Variants in SLC4A4 observed in about 807,000 individuals in gnomAD.
SLC4A4 encodes the protein solute carrier family 4 member 4, also known as electrogenic sodium bicarbonate cotransporter 1.
A neutral mutation model predicts 111.5 loss-of-function variants in SLC4A4; 27 were observed. That is an observed-to-expected ratio of 0.24 (90% CI 0.18 to 0.33). SLC4A4 has a LOEUF of 0.33. Among genes scored for constraint, SLC4A4 ranks in the 10% least tolerant of loss-of-function variants. The pLI is 1.00. For missense variants in SLC4A4, 909 were observed against 1,315.5 expected (o/e 0.69, Z 4.78); for synonymous variants, 443 against 463.4 (o/e 0.96, Z 0.57).
intron 16 of SLC4A4, among the ~76,000 whole-genome samples, chr4:71,515,055 T>G (rs1166268851): frequency 6.6e-6 from 1 of 152,036 alleles, no homozygotes; most frequent in Non-Finnish European, 1.5e-5. Flanking sequence ...TGGTTTTCTG[T>G]TTCCTTGATG....
intron 3 of SLC4A4, among the ~76,000 whole-genome samples, chr4:71,294,811 T>C (rs1026808904): frequency 3.3e-5 from 5 of 152,348 alleles, no homozygotes; most frequent in African/African-American, 1.2e-4. Flanking sequence ...GCTAGTGATA[T>C]GTAAAGAATG....
intron 3 of SLC4A4, among the ~76,000 whole-genome samples, chr4:71,331,402 T>TA (rs1727977642): frequency 6.6e-6 from 1 of 152,120 alleles, no homozygotes; most frequent in Non-Finnish European, 1.5e-5. Context: ...TATGCAGCCA[T>TA]AAAAAATGAT....
intron 2 of SLC4A4, among the ~76,000 whole-genome samples, chr4:71,130,879 AGAGCTCTCTGTGAGAG>A (rs1313981912): frequency 2.0e-5 from 3 of 152,158 alleles, no homozygotes; most frequent in Non-Finnish European, 4.4e-5. Flanking sequence ...TGTAGTTGAG[AGAGCTCTCTGTGAGAG>A]GAGGTTGTGT....
chr4:71,439,277 A>C (rs932251881), intron 7 of SLC4A4, among the ~76,000 whole-genome samples: 4 of 151,198 alleles, frequency 2.6e-5, no homozygotes, highest in African/African-American at 9.7e-5. Flanking sequence ...AAGACGAAAA[A>C]ATTACCCAGG....
intron 1 of SLC4A4, among the ~76,000 whole-genome samples, chr4:71,087,811 T>A (rs993323687): frequency 6.6e-6 from 1 of 151,916 alleles, no homozygotes. Context: ...TGCTGAGGAG[T>A]GCTTTACTTC....
intron 1 of SLC4A4, among the ~76,000 whole-genome samples, chr4:71,208,212 C>G (rs1055575646): frequency 6.6e-6 from 1 of 152,058 alleles, no homozygotes; most frequent in African/African-American, 2.4e-5. Flanking sequence ...AGGCGGATCA[C>G]GAGGTCAGGA....
In SLC4A4 at chr4:71,497,629, G is replaced by A. The variant is rs1336063519; in HGVS notation, c.2103G>A (p.Leu701=). ...DITLMSFILF[L]GTYTSSMALK... ...CACTCATGTCTTTTATCCTCTTCTTGGGAACCTACACCTCTTCCATGGCTC... is the reference window on the plus strand; with the variant it reads ...CACTCATGTCTTTTATCCTCTTCTTAGGAACCTACACCTCTTCCATGGCTC... The change falls in exon 16 of 26, where the codon TTG becomes TTA. Residue 701 remains leucine (L), a synonymous_variant. Coordinates refer to ENST00000264485, the MANE Select transcript of SLC4A4 (RefSeq NM_001098484.3). 1 of 1,613,570 alleles carries A rather than the reference G, an allele frequency of 6.2e-7. No homozygotes were observed. Among genetic ancestry groups the A allele is most frequent in the Non-Finnish European group, 8.5e-7 (1 of 1,179,730 alleles).
intron 2 of SLC4A4, among the ~76,000 whole-genome samples, chr4:71,103,983 G>C (rs1560721296): frequency 9.6e-6 from 1 of 104,248 alleles, no homozygotes; most frequent in African/African-American, 3.8e-5. Flanking sequence ...GAATCCAGGA[G>C]CTGGTTTTTT....
chr4:71,240,091 G>A (rs1025644432), intron 2 of SLC4A4, among the ~76,000 whole-genome samples: 1 of 151,986 alleles, frequency 6.6e-6, no homozygotes, highest in South Asian at 2.1e-4. Flanking sequence ...TAGCAATTAC[G>A]TAGTGATTGC....
intron 2 of SLC4A4, among the ~76,000 whole-genome samples, chr4:71,108,868 T>C (rs1253957207): frequency 6.6e-6 from 1 of 152,150 alleles, no homozygotes; most frequent in Non-Finnish European, 1.5e-5. Flanking sequence ...GGTATTTCAA[T>C]CTGTTCAGAT....
intron 6 of SLC4A4, among the ~76,000 whole-genome samples, chr4:71,377,867 C>T (rs1732552627): frequency 1.3e-5 from 2 of 151,964 alleles, no homozygotes; most frequent in Admixed American, 6.6e-5. Context: ...AAAGACATAC[C>T]CAAAACTGGG....
intron 16 of SLC4A4, among the ~76,000 whole-genome samples, chr4:71,502,792 A>G (rs1041875894): frequency 1.3e-5 from 2 of 152,196 alleles, no homozygotes; most frequent in Admixed American, 6.5e-5. Flanking sequence ...GTTGAGAAGA[A>G]TGTGTATTCT....
intron 6 of SLC4A4, among the ~76,000 whole-genome samples, chr4:71,366,808 A>G (rs972229843): frequency 2.0e-5 from 3 of 152,212 alleles, no homozygotes; most frequent in Non-Finnish European, 2.9e-5. Flanking sequence ...AGTGAAAAAA[A>G]GCAACATGAA....
intron 16 of SLC4A4, among the ~76,000 whole-genome samples, chr4:71,508,760 G>C (rs1483984316): frequency 6.6e-6 from 1 of 152,142 alleles, no homozygotes; most frequent in Non-Finnish European, 1.5e-5. Context: ...GACTGTATGA[G>C]TCCAGCTTCA....
At chr4:71,245,846 C>T (rs375479135) in intron 2 of SLC4A4, among the ~76,000 whole-genome samples, 12 of 152,050 alleles carry the variant, frequency 7.9e-5, no homozygotes, top group South Asian at 6.2e-4. Context: ...TGGAGATTAA[C>T]AAAGTGCAGT....
chr4:71,087,357 T>C (rs1269297231), intron 1 of SLC4A4, among the ~76,000 whole-genome samples: 1 of 152,000 alleles, frequency 6.6e-6, no homozygotes, highest in Non-Finnish European at 1.5e-5. Flanking sequence ...AAAAACCAGC[T>C]CCTGGATTCA....
intron 2 of SLC4A4, among the ~76,000 whole-genome samples, chr4:71,174,359 C>T (rs1397132693): frequency 1.3e-5 from 2 of 151,614 alleles, no homozygotes; most frequent in African/African-American, 2.4e-5. Flanking sequence ...AAGCAATTCT[C>T]GTGCCTCAGC....
intron 14 of SLC4A4, among the ~76,000 whole-genome samples, chr4:71,477,401 A>G (rs905799009): frequency 6.6e-6 from 1 of 151,728 alleles, no homozygotes; most frequent in Admixed American, 6.6e-5. Flanking sequence ...TTTTCCCATA[A>G]ATTTTCCTAG....
intron 14 of SLC4A4, among the ~76,000 whole-genome samples, chr4:71,480,542 A>G (rs766188618): frequency 6.6e-6 from 1 of 151,690 alleles, no homozygotes; most frequent in Non-Finnish European, 1.5e-5. Context: ...TTAAAAGCAT[A>G]CATATTTAAC....
Sources: allele counts gnomAD v4.1 joint callset (sites outside exome capture counted in the v4.1 genomes callset), GRCh38; gene constraint gnomAD v4.1.1; transcripts MANE v1.5; gene names NCBI Gene and HGNC (gene_info 2026-07-23, HGNC 2026-07-21).